The following CSMD1 variants were observed in gnomAD, a reference collection of about 807,000 sequenced individuals.
CSMD1 encodes the protein CUB and Sushi multiple domains 1.
Under a neutral mutation model 417.5 loss-of-function variants are expected in CSMD1, and 213 were observed. The ratio of observed to expected loss-of-function variants is 0.51; its 90% CI spans 0.46 to 0.57. The LOEUF (loss-of-function observed/expected upper bound fraction) is 0.57, where lower values mean the gene tolerates loss of function less well. Among genes scored for constraint, CSMD1 ranks in the 20% least tolerant of loss-of-function variants. The pLI is 0.00. For missense variants in CSMD1, 6,923 were observed against 4,529.7 expected, an observed-to-expected ratio of 1.53 and a Z score of -15.17; for synonymous variants, 2,862 against 1,736.8, an observed-to-expected ratio of 1.65 and a Z score of -16.11.
chr8:3,706,153 T>C (rs12542951), intron 7 of CSMD1, among the ~76,000 whole-genome samples: 140,342 of 152,280 alleles, frequency 0.92, 64,741 homozygotes, highest in East Asian at 0.99. Context: ...TATGGAAGGC[T>C]CCTAAGGTGA....
At chr8:4,758,248 G>C (rs535853530) in intron 1 of CSMD1, among the ~76,000 whole-genome samples, 8 of 152,248 alleles carry the variant, frequency 5.3e-5, no homozygotes, top group Admixed American at 2.6e-4. Flanking sequence ...GAAGCCCACC[G>C]ACTATAATGA....
intron 5 of CSMD1, among the ~76,000 whole-genome samples, chr8:3,879,064 G>C (rs796520658): frequency 3.3e-5 from 5 of 152,130 alleles, no homozygotes; most frequent in South Asian, 2.1e-4. Flanking sequence ...AACAGGGATA[G>C]CATCTGAGTT....
At chr8:3,975,395 C>T (rs1813363752) in intron 5 of CSMD1, among the ~76,000 whole-genome samples, 1 of 152,028 alleles carries the variant, frequency 6.6e-6, no homozygotes, top group Non-Finnish European at 1.5e-5. Flanking sequence ...CTACAGTGAG[C>T]ATTATTTTTA....
At chr8:3,444,023 G>C (rs150215949) in intron 12 of CSMD1, among the ~76,000 whole-genome samples, 1 of 152,088 alleles carries the variant, frequency 6.6e-6, no homozygotes, top group Non-Finnish European at 1.5e-5. Context: ...TTGCAGTGCT[G>C]AATGTGAATC....
At chr8:4,768,742 C>T (rs1226016197) in intron 1 of CSMD1, among the ~76,000 whole-genome samples, 1 of 152,150 alleles carries the variant, frequency 6.6e-6, no homozygotes, top group Non-Finnish European at 1.5e-5. Flanking sequence ...TGTCCCTCTC[C>T]TTAGTGATGC....
chr8:4,352,244 G>A (rs888665156), intron 3 of CSMD1, among the ~76,000 whole-genome samples: 1 of 152,128 alleles, frequency 6.6e-6, no homozygotes, highest in Non-Finnish European at 1.5e-5. Context: ...CCAACATAAG[G>A]TTCTAAATGG....
chr8:4,634,894 G>C (rs543955908), intron 2 of CSMD1, among the ~76,000 whole-genome samples: 21 of 152,250 alleles, frequency 1.4e-4, no homozygotes, highest in Non-Finnish European at 2.9e-4. Context: ...ACACTCAGTA[G>C]TCATTGGGCG....
At chr8:4,754,648 G>C (rs1160703812) in intron 1 of CSMD1, among the ~76,000 whole-genome samples, 1 of 151,750 alleles carries the variant, frequency 6.6e-6, no homozygotes, top group Admixed American at 6.6e-5. Context: ...TCAGGAGATC[G>C]AGACAATCCT....
At chr8:3,825,662 A>C (rs1470753343) in intron 5 of CSMD1, among the ~76,000 whole-genome samples, 1 of 152,162 alleles carries the variant, frequency 6.6e-6, no homozygotes, top group Non-Finnish European at 1.5e-5. Context: ...ACTGAGGCCA[A>C]GTTTTACTCT....
chr8:4,278,829 T>A (rs772341450), intron 3 of CSMD1, among the ~76,000 whole-genome samples: 1 of 152,154 alleles, frequency 6.6e-6, no homozygotes, highest in Non-Finnish European at 1.5e-5. Context: ...TTGGAGTATT[T>A]ATAGGAAAAA....
chr8:4,812,905 G>GTATC (rs1798991729), intron 1 of CSMD1, among the ~76,000 whole-genome samples: 3 of 152,098 alleles, frequency 2.0e-5, no homozygotes, highest in Non-Finnish European at 1.5e-5. Flanking sequence ...AATATTGCTT[G>GTATC]TATCAGTTTA....
At chr8:4,642,222 G>C (rs1463375745) in intron 1 of CSMD1, among the ~76,000 whole-genome samples, 1 of 152,130 alleles carries the variant, frequency 6.6e-6, no homozygotes, top group Non-Finnish European at 1.5e-5. Context: ...TTATACAGCA[G>C]TGCCCCTCTT....
chr8:4,393,752 C>G (rs913299496), intron 3 of CSMD1, among the ~76,000 whole-genome samples: 1 of 152,190 alleles, frequency 6.6e-6, no homozygotes, highest in Non-Finnish European at 1.5e-5. Flanking sequence ...TTCAGACATT[C>G]ATTGCCTTAA....
At chr8:3,902,660 A>T (rs867841875) in intron 5 of CSMD1, among the ~76,000 whole-genome samples, 57 of 151,850 alleles carry the variant, frequency 3.8e-4, no homozygotes, top group African/African-American at 1.3e-3. Context: ...GCTCATTGCC[A>T]CTCATCTCCT....
chr8:3,763,295 T>A (rs1369808151), intron 5 of CSMD1, among the ~76,000 whole-genome samples: 1 of 152,286 alleles, frequency 6.6e-6, no homozygotes, highest in Middle Eastern at 3.4e-3. Context: ...CATGTTGACA[T>A]ATGATTGCCG....
intron 3 of CSMD1, among the ~76,000 whole-genome samples, chr8:4,065,911 G>A (rs1301587716): frequency 6.6e-6 from 1 of 152,132 alleles, no homozygotes; most frequent in African/African-American, 2.4e-5. Context: ...GAACAAAGTG[G>A]CCCAGGGAAA....
At chr8:3,961,962 G>GA (rs1389627584) in intron 5 of CSMD1, among the ~76,000 whole-genome samples, 2 of 152,176 alleles carry the variant, frequency 1.3e-5, no homozygotes, top group Non-Finnish European at 2.9e-5. Context: ...ATATTGAAAG[G>GA]AAAAGCAATG....
chr8:3,801,764 T>C lies in CSMD1; in HGVS notation c.819-47722A>G, dbSNP rs900945155. On this transcript the variant is annotated intron_variant, in intron 5 of 69. Transcript: ENST00000635120. Reference sequence around the variant, plus strand: ...TGACTCTGGACAAACTAATATAGCATACACATTCAGTAGCATTTTACGGGT... The same window carrying C: ...TGACTCTGGACAAACTAATATAGCACACACATTCAGTAGCATTTTACGGGT... Among the ~76,000 whole-genome samples, 5 of 152,116 alleles carry C rather than the reference T, an allele frequency of 3.3e-5. No homozygotes were observed. The East Asian group carries it at 5.8e-4, about 18-fold the overall frequency.
intron 4 of CSMD1, among the ~76,000 whole-genome samples, chr8:4,020,847 C>G (rs1182153535): frequency 6.6e-6 from 1 of 152,154 alleles, no homozygotes; most frequent in East Asian, 1.9e-4. Context: ...TTATCTTTTG[C>G]CTAAACTAAT....
Sources: gnomAD v4.1 joint callset for allele counts (sites outside exome capture counted in the v4.1 genomes callset) on GRCh38, gnomAD v4.1.1 for gene constraint, MANE v1.5 for transcripts, NCBI Gene and HGNC (gene_info 2026-07-23, HGNC 2026-07-21) for gene names.